The following CEP295 variants were observed in gnomAD, a reference collection of about 807,000 sequenced individuals.
CEP295 encodes centrosomal protein of 295 kDa.
Under a neutral mutation model 291.6 loss-of-function variants are expected in CEP295, and 190 were observed. The ratio of observed to expected loss-of-function variants is 0.65; its 90% CI spans 0.58 to 0.73. The LOEUF is 0.73. CEP295 is among the 30% of genes least tolerant of loss of function. CEP295 has a pLI of 0.00. For synonymous variants in CEP295, 993 were observed against 1,038.8 expected, an observed-to-expected ratio of 0.96 and a Z score of 0.85; for missense variants, 2,863 against 2,949.4, an observed-to-expected ratio of 0.97 and a Z score of 0.68.
intron 25 of CEP295, 59 bp from the exon 26 acceptor site, chr11:93,729,375 G>A: frequency 8.4e-7 from 1 of 1,193,044 alleles, no homozygotes; most frequent in African/African-American, 1.5e-5. Flanking sequence ...TCTGACAGCA[G>A]AGCAAGACCC....
intron 10 of CEP295, among the ~76,000 whole-genome samples, chr11:93,689,649 C>T (rs1299645762): frequency 6.6e-6 from 1 of 152,116 alleles, no homozygotes; most frequent in Non-Finnish European, 1.5e-5. Context: ...ATCCCCTTTA[C>T]CCTGCTTTCC....
At position 93,698,878 on chromosome 11, in the gene CEP295, A is replaced by T; in HGVS notation, c.3966A>T (p.Lys1322Asn). ...LEPLFTESES[K>N]IFSSHLQIPQ... ...CTCTTTTTACAGAGAGTGAAAGTAAAATTTTTTCAAGCCACCTTCAGATCC... is the reference window on the plus strand; with the variant it reads ...CTCTTTTTACAGAGAGTGAAAGTAATATTTTTTCAAGCCACCTTCAGATCC... The change falls in exon 15 of 30, where the codon AAA becomes AAT. Residue 1322 changes from lysine to asparagine, a missense_variant. Lys to Asn is a moderately conservative substitution (Grantham distance 94, BLOSUM62 0). Around this residue, in one of 3 missense-constraint regions of CEP295, gnomAD observed 2,295 missense variants for 2,335.7 expected, o/e 0.98. Coordinates refer to ENST00000325212, the MANE Select transcript of CEP295 (RefSeq NM_033395.2). 6.4e-7 allele frequency: 1 copy of T among 1,551,630 alleles called. No homozygotes were observed. Among genetic ancestry groups the T allele is most frequent in the African/African-American group, 1.4e-5 (1 of 73,156 alleles).
intron 28 of CEP295, 26 bp downstream of exon 28, chr11:93,729,995 TA>T (rs1938207209): frequency 7.0e-7 from 1 of 1,423,510 alleles, no homozygotes; most frequent in Non-Finnish European, 9.5e-7. Flanking sequence ...TTTTTTTTTT[TA>T]GTGATTCACT....
chr11:93,672,298 G>C (rs1414496473), intron 5 of CEP295, among the ~76,000 whole-genome samples: 3 of 152,060 alleles, frequency 2.0e-5, no homozygotes, highest in Admixed American at 2.0e-4. Flanking sequence ...CTTTTCATAG[G>C]TCTGTTAAAG....
chr11:93,724,111 C>T (rs955751837), intron 21 of CEP295, 143 bp from the exon 22 acceptor site: 2 of 704,602 alleles, frequency 2.8e-6, no homozygotes, highest in Non-Finnish European at 4.5e-6. Flanking sequence ...GGGGGAAAAA[C>T]TGAAGTTTTT....
chr11:93,714,565 T>G (rs572567861), intron 18 of CEP295, among the ~76,000 whole-genome samples: 18 of 152,308 alleles, frequency 1.2e-4, no homozygotes, highest in Non-Finnish European at 1.9e-4. Context: ...TAGGTATTCC[T>G]TACAGTCTTT....
chr11:93,716,352 G>A (rs1312002285), intron 18 of CEP295, among the ~76,000 whole-genome samples: 1 of 152,208 alleles, frequency 6.6e-6, no homozygotes, highest in Non-Finnish European at 1.5e-5. Context: ...CCACTGCCTG[G>A]AGATGAGGGA....
chr11:93,701,717 C>T (rs546597118), intron 15 of CEP295, among the ~76,000 whole-genome samples: 362 of 152,186 alleles, frequency 2.4e-3, no homozygotes, highest in Middle Eastern at 6.8e-3. Flanking sequence ...GATTCTCCTG[C>T]CTCAGCCTCC....
Position 93,727,382 on chromosome 11 carries a change from T to A in CEP295, c.6906T>A (p.Asn2302Lys), listed in dbSNP as rs1442111973. 1.9e-6 allele frequency: 3 copies of A among 1,551,428 alleles called. No individual in the cohort carries two copies. The highest frequency in any genetic ancestry group is 2.6e-6 in the Non-Finnish European group (3 of 1,146,922). The change falls in exon 24 of 30, where the codon AAT (asparagine) becomes AAA (lysine). Residue 2302 changes from asparagine (N) to lysine (K), a missense_variant. Asn to Lys is a moderately conservative substitution (Grantham distance 94, BLOSUM62 0). Coordinates refer to ENST00000325212, the MANE Select transcript of CEP295 (RefSeq NM_033395.2). ...MLQSQGLIEDNKNETCRVLDI... is the reference protein window; with the variant it reads ...MLQSQGLIEDKKNETCRVLDI... ...AAAGTCAAGGACTCATTGAAGATAATAAAAATGAAACCTGTAGGGTTTTAG... is the reference window on the plus strand; with the variant it reads ...AAAGTCAAGGACTCATTGAAGATAAAAAAAATGAAACCTGTAGGGTTTTAG...
intron 4 of CEP295, 44 bp from the exon 5 acceptor site, chr11:93,669,633 A>G (rs1282835226): frequency 4.0e-6 from 5 of 1,263,714 alleles, no homozygotes; most frequent in South Asian, 1.3e-5. Flanking sequence ...GTACTATAAT[A>G]TTATCACTGA....
At chr11:93,683,349 G>T (rs957119201) in intron 7 of CEP295, among the ~76,000 whole-genome samples, 3 of 152,218 alleles carry the variant, frequency 2.0e-5, no homozygotes, top group Admixed American at 1.3e-4. Flanking sequence ...CTAGGGTAGG[G>T]TTGAGATTGT....
intron 5 of CEP295, among the ~76,000 whole-genome samples, chr11:93,670,052 CAAT>C (rs1161371816): frequency 1.3e-5 from 2 of 152,086 alleles, no homozygotes; most frequent in East Asian, 3.9e-4. Context: ...CAGCCTTCCT[CAAT>C]GATGTCAAAA....
chr11:93,720,213 C>T (rs983179211), intron 18 of CEP295, among the ~76,000 whole-genome samples: 18 of 152,008 alleles, frequency 1.2e-4, no homozygotes, highest in African/African-American at 4.1e-4. Flanking sequence ...TGGCTCACAC[C>T]TGTAATCCCA....
At chr11:93,678,533 T>C (rs1342232560) in intron 6 of CEP295, among the ~76,000 whole-genome samples, 1 of 152,252 alleles carries the variant, frequency 6.6e-6, no homozygotes, top group East Asian at 1.9e-4. Context: ...TTGTTTCAAC[T>C]GGCTGGCAGA....
chr11:93,709,510 C>T (rs188064715), intron 18 of CEP295, among the ~76,000 whole-genome samples: 6 of 152,118 alleles, frequency 3.9e-5, no homozygotes, highest in Non-Finnish European at 5.9e-5. Flanking sequence ...CTGTGTGTGT[C>T]TCTTTTTATG....
intron 2 of CEP295, 28 bp from the exon 3 acceptor site, chr11:93,667,579 T>C: frequency 6.7e-7 from 1 of 1,493,170 alleles, no homozygotes; most frequent in South Asian, 1.3e-5. Context: ...CCTCCTTTCA[T>C]ATAACCTGTT....
At chr11:93,713,836 G>C (rs1953067383) in intron 18 of CEP295, among the ~76,000 whole-genome samples, 1 of 152,098 alleles carries the variant, frequency 6.6e-6, no homozygotes, top group African/African-American at 2.4e-5. Context: ...TTGTAGGCAT[G>C]CTTCATTCTT....
At chr11:93,694,546 T>G (rs1015127359) in intron 12 of CEP295, among the ~76,000 whole-genome samples, 2 of 152,212 alleles carry the variant, frequency 1.3e-5, no homozygotes, top group African/African-American at 4.8e-5. Context: ...ACTACTCTTA[T>G]GCTGTGGAGC....
chr11:93,729,652 CAAG>C lies in CEP295; in HGVS notation c.7442_7444del (p.Glu2481del). 6.4e-7 allele frequency: 1 copy of C among 1,550,618 alleles called. No individual in the cohort carries two copies. Among genetic ancestry groups the C allele is most frequent in the South Asian group, 1.2e-5 (1 of 83,856 alleles). On this transcript the variant is annotated inframe_deletion, in exon 27 of 30. Transcript: ENST00000325212. ...GCTTACACCTGTACCAGGGAGCTTA[CAAG>C]AAGCATTTATAAAGAGGAAAAAATC...
Sources: allele counts gnomAD v4.1 joint callset (sites outside exome capture counted in the v4.1 genomes callset), GRCh38; gene constraint gnomAD v4.1.1; regional missense constraint gnomAD v4.1.1; transcripts MANE v1.5; gene names NCBI Gene and HGNC (gene_info 2026-07-23, HGNC 2026-07-21).